The following ZFYVE9 variants were observed in gnomAD, a reference collection of about 807,000 sequenced individuals.
ZFYVE9 encodes the protein zinc finger FYVE domain-containing protein 9.
Under a neutral mutation model 126.7 loss-of-function variants are expected in ZFYVE9, and 43 were observed. That is an observed-to-expected ratio of 0.34 (90% CI 0.27 to 0.44). The LOEUF is 0.44. Ranked by LOEUF, ZFYVE9 falls within the 20% of genes least tolerant of loss-of-function variation. The pLI, the probability that ZFYVE9 is intolerant of heterozygous loss-of-function variation, is 1.00. For missense variants in ZFYVE9, 1,476 were observed against 1,697.0 expected (o/e 0.87, Z 2.29); for synonymous variants, 521 against 597.4 (o/e 0.87, Z 1.87).
At chr1:52,249,741 T>C (rs1487088792) in intron 4 of ZFYVE9, among the ~76,000 whole-genome samples, 1 of 152,220 alleles carries the variant, frequency 6.6e-6, no homozygotes, top group Non-Finnish European at 1.5e-5. Flanking sequence ...CTTCTAAGTG[T>C]TTTGCAGTTT....
chr1:52,206,310 T>G (rs989830228), intron 1 of ZFYVE9, among the ~76,000 whole-genome samples: 5 of 152,190 alleles, frequency 3.3e-5, no homozygotes, highest in African/African-American at 1.2e-4. Flanking sequence ...ATATGGCGTT[T>G]TATCTTGTGA....
chr1:52,253,030 G>A (rs1490941766), intron 4 of ZFYVE9, among the ~76,000 whole-genome samples: 1 of 152,206 alleles, frequency 6.6e-6, no homozygotes, highest in Non-Finnish European at 1.5e-5. Flanking sequence ...CCTGGGCATG[G>A]TGGCATGTGC....
intron 3 of ZFYVE9, among the ~76,000 whole-genome samples, chr1:52,235,126 A>G (rs1377760526): frequency 6.6e-6 from 1 of 152,226 alleles, no homozygotes; most frequent in African/African-American, 2.4e-5. Flanking sequence ...TAGAAGGAGA[A>G]GGATTTCTGA....
intron 10 of ZFYVE9, among the ~76,000 whole-genome samples, chr1:52,288,314 G>C (rs1645882323): frequency 6.6e-6 from 1 of 152,144 alleles, no homozygotes; most frequent in Non-Finnish European, 1.5e-5. Flanking sequence ...TTGTTTAAGA[G>C]ATAGAAGTCT....
chr1:52,280,000 G>C (rs1438206606), intron 9 of ZFYVE9, among the ~76,000 whole-genome samples: 1 of 152,028 alleles, frequency 6.6e-6, no homozygotes, highest in Admixed American at 6.6e-5. Flanking sequence ...ATTAATGCTT[G>C]CTACCTTCTA....
In ZFYVE9 at chr1:52,346,590, A is replaced by G. The variant is rs987893755; in HGVS notation, c.*369A>G. On this transcript the variant is annotated 3_prime_UTR_variant, in exon 19 of 19. Coordinates refer to ENST00000287727, the MANE Select transcript of ZFYVE9 (RefSeq NM_004799.4). The stretch of plus-strand genomic sequence containing the variant: ...GCTCAAATGGGTACAACCATCACCA[A>G]GGGTGGGATGGGAGGGCAGAGGGGA... The G allele has an allele frequency of 1.8e-5, 5 of 271,422 alleles. No homozygotes were observed. Among genetic ancestry groups the G allele is most frequent in the African/African-American group, 6.8e-5 (3 of 44,420 alleles). 16.8% of individuals were successfully genotyped at this position (271,422 alleles called of 1,614,324 possible).
At chr1:52,287,418 T>G (rs1645872507) in intron 10 of ZFYVE9, among the ~76,000 whole-genome samples, 1 of 152,128 alleles carries the variant, frequency 6.6e-6, no homozygotes, top group South Asian at 2.1e-4. Flanking sequence ...GTCTAATCTT[T>G]TATTAAGAAA....
intron 2 of ZFYVE9, among the ~76,000 whole-genome samples, chr1:52,220,808 C>T (rs1040621884): frequency 2.0e-5 from 3 of 152,024 alleles, no homozygotes; most frequent in South Asian, 2.1e-4. Context: ...AGATGGGGAT[C>T]GCAGCTGGAG....
intron 1 of ZFYVE9, among the ~76,000 whole-genome samples, chr1:52,196,632 G>T (rs185461393): frequency 6.6e-6 from 1 of 152,088 alleles, no homozygotes; most frequent in African/African-American, 2.4e-5. Flanking sequence ...GCAAGACCCG[G>T]TCTCAGAAAA....
intron 11 of ZFYVE9, among the ~76,000 whole-genome samples, chr1:52,294,377 T>C (rs1013697062): frequency 2.0e-5 from 3 of 152,164 alleles, no homozygotes; most frequent in Admixed American, 1.3e-4. Context: ...GTTAACAGGA[T>C]CAAATGAGAG....
At chr1:52,255,973 T>TTCCTTCC (rs1557484259) in intron 4 of ZFYVE9, among the ~76,000 whole-genome samples, 8 of 124,512 alleles carry the variant, frequency 6.4e-5, no homozygotes, top group African/African-American at 3.0e-4. Context: ...CTTTTCTTTC[T>TTCCTTCC]TTCTTTCTTT....
intron 1 of ZFYVE9, among the ~76,000 whole-genome samples, chr1:52,191,933 GAGA>G (rs1434605544): frequency 7.2e-5 from 11 of 152,128 alleles, no homozygotes; most frequent in Admixed American, 5.9e-4. Context: ...TAATGGTAGT[GAGA>G]AGAAATTTGG....
intron 1 of ZFYVE9, among the ~76,000 whole-genome samples, chr1:52,196,708 A>G (rs1644864101): frequency 6.6e-6 from 1 of 152,216 alleles, no homozygotes; most frequent in African/African-American, 2.4e-5. Flanking sequence ...TTAATTGTAT[A>G]GCATTTAATA....
chr1:52,289,511 AC>A (rs1236158921), intron 10 of ZFYVE9, among the ~76,000 whole-genome samples: 2 of 152,198 alleles, frequency 1.3e-5, no homozygotes, highest in African/African-American at 4.8e-5. Context: ...TGGGTTCTTC[AC>A]TAGTATTGGG....
chr1:52,267,445 G>A (rs1331979216), intron 6 of ZFYVE9, among the ~76,000 whole-genome samples: 2 of 152,154 alleles, frequency 1.3e-5, no homozygotes, highest in African/African-American at 2.4e-5. Flanking sequence ...AAGGCACTGT[G>A]TAAGTGCAGG....
chr1:52,201,981 G>A (rs1287480701), intron 1 of ZFYVE9, among the ~76,000 whole-genome samples: 2 of 151,266 alleles, frequency 1.3e-5, no homozygotes, highest in Non-Finnish European at 1.5e-5. Context: ...ACAGGGTTTC[G>A]CCACATGGGC....
intron 4 of ZFYVE9, among the ~76,000 whole-genome samples, chr1:52,256,649 C>T (rs755146790): frequency 6.6e-6 from 1 of 151,200 alleles, no homozygotes; most frequent in African/African-American, 2.4e-5. Context: ...TCTTTTAACC[C>T]TTTCTGTAAT....
At chr1:52,312,730 T>C (rs1646149567) in intron 13 of ZFYVE9, among the ~76,000 whole-genome samples, 2 of 152,214 alleles carry the variant, frequency 1.3e-5, no homozygotes, top group Non-Finnish European at 2.9e-5. Context: ...ACCAAAGTTA[T>C]GGCTATCTAT....
At chr1:52,302,639 T>A (rs1469474487) in intron 12 of ZFYVE9, among the ~76,000 whole-genome samples, 1 of 151,946 alleles carries the variant, frequency 6.6e-6, no homozygotes, top group African/African-American at 2.4e-5. Flanking sequence ...TAATCCCAGC[T>A]ACTTGGGAGG....
Sources: allele counts gnomAD v4.1 joint callset (sites outside exome capture counted in the v4.1 genomes callset), GRCh38; gene constraint gnomAD v4.1.1; transcripts MANE v1.5; gene names NCBI Gene and HGNC (gene_info 2026-07-23, HGNC 2026-07-21).